NUP107: variants seen among roughly 807,000 people sequenced by gnomAD.
NUP107 encodes the protein nuclear pore complex protein Nup107.
A neutral mutation model predicts 141.0 loss-of-function variants in NUP107; 101 were observed. The ratio of observed to expected loss-of-function variants is 0.72; its 90% CI spans 0.61 to 0.84. The LOEUF (loss-of-function observed/expected upper bound fraction) is 0.84. NUP107 is among the 40% of genes least tolerant of loss of function. NUP107 has a pLI of 0.00. For missense variants in NUP107, 941 were observed against 1,102.7 expected (o/e 0.85, Z 2.08); for synonymous variants, 319 against 363.9 (o/e 0.88, Z 1.41).
chr12:68,716,700 A>G (rs1877129181), intron 12 of NUP107, among the ~76,000 whole-genome samples: 1 of 152,176 alleles, frequency 6.6e-6, no homozygotes, highest in African/African-American at 2.4e-5. Flanking sequence ...ATGTAGAATG[A>G]TAAGTATCTA....
In NUP107 at chr12:68,743,455, G is replaced by C. The variant is rs576830051; in HGVS notation, c.*993G>C. ...GAGCAGGAAGAACCTCTCTCCAGCT[G>C]AAAAGACTCTCAGGAAGTAGTATTG... On this transcript the variant is annotated 3_prime_UTR_variant, in exon 28 of 28. Transcript: ENST00000229179. 3.3e-5 allele frequency: 5 copies of C among 152,356 alleles called. No individual in the cohort carries two copies. Among genetic ancestry groups the C allele is most frequent in the African/African-American group, 9.6e-5 (4 of 41,576 alleles). The allele number at this position is 152,356 out of a possible 1,614,324, so 9.4% of individuals were successfully genotyped here.
intron 26 of NUP107, 82 bp from the exon 27 acceptor site, chr12:68,741,731 G>A: frequency 7.8e-7 from 1 of 1,290,170 alleles, no homozygotes; most frequent in Non-Finnish European, 1.1e-6. Flanking sequence ...TACATTCTGG[G>A]TTTGATTCAG....
rs921985370 is a variant in NUP107 at position 68,715,712 on chromosome 12, C to G, written c.1055C>G (p.Thr352Ser). ...GTTAGATTACTCAAATATCTCTTTA[C>G]TCTAATCCGTGCTGGAATGACAGAA... ...DEVRLLKYLF[T>S]LIRAGMTEEA... Residue 352 changes from threonine (T) to serine (S), a missense_variant, in exon 12 of 28, where the codon ACT becomes AGT. Thr to Ser is a moderately conservative substitution (Grantham distance 58). Transcript: ENST00000229179. 16 of 1,609,704 alleles carry G rather than the reference C, an allele frequency of 9.9e-6. No homozygotes were observed. The highest frequency in any genetic ancestry group is 1.6e-4 in the Middle Eastern group (1 of 6,080).
chr12:68,733,826 A>C (rs746132682), intron 24 of NUP107, among the ~76,000 whole-genome samples: 8 of 152,192 alleles, frequency 5.3e-5, no homozygotes, highest in Non-Finnish European at 7.3e-5. Flanking sequence ...ATCATCTCAC[A>C]TGGTAGATAG....
chr12:68,698,544 A>T (rs1876178474), intron 6 of NUP107, among the ~76,000 whole-genome samples: 2 of 152,238 alleles, frequency 1.3e-5, no homozygotes, highest in South Asian at 4.1e-4. Flanking sequence ...AGCAACCAAG[A>T]TATCCTTCAG....
intron 5 of NUP107, among the ~76,000 whole-genome samples, chr12:68,693,968 C>A (rs1288165445): frequency 1.3e-5 from 2 of 152,040 alleles, no homozygotes; most frequent in Non-Finnish European, 2.9e-5. Context: ...CTCATGTAAT[C>A]CTTATGGTGG....
At chr12:68,689,448 A>T in intron 2 of NUP107, 85 bp from the exon 3 acceptor site, 1 of 784,382 alleles carries the variant, frequency 1.3e-6, no homozygotes, top group Non-Finnish European at 2.1e-6. Flanking sequence ...ATGTATTCAC[A>T]TAATTTGTAT....
chr12:68,717,457 A>G (rs191638217), intron 12 of NUP107, among the ~76,000 whole-genome samples: 4 of 152,198 alleles, frequency 2.6e-5, no homozygotes, highest in Admixed American at 2.6e-4. Context: ...ACACCATTCA[A>G]TGGTTTTGGT....
At chr12:68,737,213 A>T (rs1878113838) in intron 26 of NUP107, among the ~76,000 whole-genome samples, 1 of 152,122 alleles carries the variant, frequency 6.6e-6, no homozygotes, top group African/African-American at 2.4e-5. Flanking sequence ...TGCTATTCTA[A>T]TTATTAATTA....
In NUP107 at chr12:68,728,732, T is replaced by C. The variant is rs567768809; in HGVS notation, c.1734+1343T>C. The stretch of plus-strand genomic sequence containing the variant: ...GCCTGGACCTGTCTTTTTTTTTTTT[T>C]TTAAGTTTAAAAATTAATAAATAAC... On this transcript the variant is annotated intron_variant, in intron 20 of 27. Coordinates refer to ENST00000229179, the MANE Select transcript of NUP107 (RefSeq NM_020401.4). Among the ~76,000 whole-genome samples, 9 of 151,374 alleles carry C rather than the reference T, an allele frequency of 5.9e-5. No individual in the cohort carries two copies. In the East Asian group the frequency reaches 1.8e-3, roughly 30 times the overall value.
intron 5 of NUP107, among the ~76,000 whole-genome samples, chr12:68,693,146 C>T (rs1222431964): frequency 2.0e-5 from 3 of 150,414 alleles, no homozygotes; most frequent in Non-Finnish European, 3.0e-5. Context: ...GGTGCAATCT[C>T]GGCTCACTGC....
intron 12 of NUP107, among the ~76,000 whole-genome samples, chr12:68,715,966 A>C (rs1348362313): frequency 6.6e-6 from 1 of 152,226 alleles, no homozygotes; most frequent in East Asian, 1.9e-4. Context: ...AATTATTTAT[A>C]ACAAGTCATA....
intron 5 of NUP107, among the ~76,000 whole-genome samples, chr12:68,692,722 G>A (rs891929855): frequency 1.3e-5 from 2 of 151,096 alleles, no homozygotes; most frequent in African/African-American, 2.4e-5. Flanking sequence ...AGTTGGGACT[G>A]CAGGCATGTA....
chr12:68,709,984 A>AT, intron 9 of NUP107, 21 bp from the exon 10 acceptor site: 2 of 1,434,804 alleles, frequency 1.4e-6, no homozygotes, highest in Non-Finnish European at 2.0e-6. Flanking sequence ...ACACTAATTT[A>AT]TTTTTTTCTT....
intron 12 of NUP107, among the ~76,000 whole-genome samples, chr12:68,716,480 A>G (rs1233975997): frequency 1.4e-5 from 2 of 143,932 alleles, no homozygotes; most frequent in Admixed American, 6.9e-5. Context: ...ATCTTCCTGC[A>G]TTGGCCTCCC....
intron 5 of NUP107, among the ~76,000 whole-genome samples, chr12:68,693,147 G>A (rs1245449322): frequency 2.6e-5 from 4 of 150,946 alleles, no homozygotes; most frequent in East Asian, 3.9e-4. Flanking sequence ...GTGCAATCTC[G>A]GCTCACTGCA....
chr12:68,728,719 C>CT (rs34454032), intron 20 of NUP107, among the ~76,000 whole-genome samples: 7,920 of 130,946 alleles, frequency 0.06, 226 homozygotes, highest in African/African-American at 0.065. Context: ...CTGGACCTGT[C>CT]TTTTTTTTTT....
intron 5 of NUP107, among the ~76,000 whole-genome samples, chr12:68,693,197 T>C (rs370040257): frequency 7.2e-5 from 11 of 151,962 alleles, no homozygotes; most frequent in African/African-American, 2.7e-4. Flanking sequence ...CCTGCCTCAG[T>C]CTCCTGAGTA....
At chr12:68,739,416 C>A (rs1313415652) in intron 26 of NUP107, among the ~76,000 whole-genome samples, 1 of 152,184 alleles carries the variant, frequency 6.6e-6, no homozygotes, top group Non-Finnish European at 1.5e-5. Flanking sequence ...TTCAGTGGTA[C>A]TTAGTAAATG....
Sources: gnomAD v4.1 joint callset for allele counts (sites outside exome capture counted in the v4.1 genomes callset) on GRCh38, gnomAD v4.1.1 for gene constraint, MANE v1.5 for transcripts, NCBI Gene and HGNC (gene_info 2026-07-23, HGNC 2026-07-21) for gene names.